The following LTBP2 variants were observed in gnomAD, a reference collection of about 807,000 sequenced individuals.
LTBP2 encodes the protein latent transforming growth factor beta binding protein 2.
LTBP2 carries 103 observed loss-of-function variants against 210.6 expected under a neutral mutation model. The observed-to-expected ratio is 0.49, with a 90% CI of 0.42 to 0.58. The LOEUF is 0.58. LTBP2 is among the 20% of genes least tolerant of loss of function. The probability of loss-of-function intolerance (pLI) is 0.00; values close to 1 mark genes in which losing one functional copy is unlikely to be tolerated. For synonymous variants in LTBP2, 1,007 were observed against 1,015.0 expected (o/e 0.99, Z 0.15); for missense variants, 2,313 against 2,494.5 (o/e 0.93, Z 1.55).
chr14:74,502,933 C>T lies in LTBP2; in HGVS notation c.4890G>A (p.Glu1630=). ...QCALCPPRSS[E]VYAQLCNVAR... ...CCACGTTGCACAGCTGAGCATAGAC[C>T]TCTGTCAGGGAGGAGGGAGAGAAGG... Residue 1630 remains glutamate, a splice_region_variant and synonymous_variant, in exon 34 of 36, where the codon GAG becomes GAA. Coordinates refer to ENST00000261978, the MANE Select transcript of LTBP2 (RefSeq NM_000428.3). 6.2e-7 allele frequency: 1 copy of T among 1,611,442 alleles called. No homozygotes were observed. Among genetic ancestry groups the T allele is most frequent in the Non-Finnish European group, 8.5e-7 (1 of 1,179,926 alleles).
intron 2 of LTBP2, among the ~76,000 whole-genome samples, chr14:74,599,927 A>C (rs1407785094): frequency 6.6e-6 from 1 of 152,234 alleles, no homozygotes; most frequent in Non-Finnish European, 1.5e-5. Flanking sequence ...GTCAGCCCCC[A>C]TCTCTCACTG....
intron 2 of LTBP2, among the ~76,000 whole-genome samples, chr14:74,603,061 G>A (rs1274013022): frequency 2.6e-5 from 4 of 152,274 alleles, no homozygotes; most frequent in Admixed American, 6.5e-5. Flanking sequence ...AGGACAGCAG[G>A]AGGGAGTGCA....
At chr14:74,514,557 C>T (rs774839846) in intron 18 of LTBP2, among the ~76,000 whole-genome samples, 9 of 152,056 alleles carry the variant, frequency 5.9e-5, no homozygotes, top group African/African-American at 2.2e-4. Context: ...TGAGAGCATG[C>T]GGTGGGGGTA....
intron 2 of LTBP2, among the ~76,000 whole-genome samples, chr14:74,595,618 G>A (rs1444149170): frequency 6.6e-6 from 1 of 152,182 alleles, no homozygotes; most frequent in African/African-American, 2.4e-5. Flanking sequence ...CCAGGCCCAG[G>A]ATGGTCGGGA....
At position 74,528,984 on chromosome 14, in the gene LTBP2, C is replaced by A; in HGVS notation, c.2126G>T (p.Cys709Phe). 1 of 1,610,502 alleles carries A rather than the reference C, an allele frequency of 6.2e-7. No homozygotes were observed. Among genetic ancestry groups the A allele is most frequent in the Non-Finnish European group, 8.5e-7 (1 of 1,178,868 alleles). The change falls in exon 11 of 36, where the codon TGT becomes TTT. Residue 709 changes from cysteine (C) to phenylalanine (F), a missense_variant. By Grantham distance (205) the Cys-to-Phe change is radical (BLOSUM62 -2). Transcript: ENST00000261978. The part of the protein sequence containing the change: ...SRVGKAWGSE[C>F]EKCPLPGTEA... ...TGTGCCAGGCAGAGGGCATTTCTCA[C>A]ACTCGCTGCCCCATGCTTTGCCCAC... is the stretch of plus-strand genomic sequence containing the variant.
At position 74,509,662 on chromosome 14, in the gene LTBP2, A is replaced by G; in HGVS notation, c.3277+72T>C. ...TCGGCATCAGCCCCAAACTGGGGAC[A>G]AATTGAGTGTTCTTTGGGAGGTAAG... On this transcript the variant is annotated intron_variant, in intron 21 of 35. Transcript: ENST00000261978. 3.1e-6 allele frequency: 5 copies of G among 1,608,102 alleles called. No homozygotes were observed. The South Asian group carries it at 5.6e-5, about 18-fold the overall frequency.
At position 74,502,964 on chromosome 14, in the gene LTBP2, G is replaced by A. The variant is rs751890832; in HGVS notation, c.4889-30C>T. On this transcript the variant is annotated intron_variant, in intron 33 of 35. Coordinates refer to ENST00000261978, the MANE Select transcript of LTBP2 (RefSeq NM_000428.3). Reference sequence around the variant, plus strand: ...CAGGGAGGAGGGAGAGAAGGAGCTGGGTTCTAGCTCCTGCCAGCTAAAGCC... The same window carrying A: ...CAGGGAGGAGGGAGAGAAGGAGCTGAGTTCTAGCTCCTGCCAGCTAAAGCC... The A allele has an allele frequency of 4.4e-6, 7 of 1,607,458 alleles. No homozygotes were observed. The South Asian group carries it at 7.7e-5, about 18-fold the overall frequency.
chr14:74,602,813 G>A (rs1224071961), intron 2 of LTBP2, among the ~76,000 whole-genome samples: 4 of 152,362 alleles, frequency 2.6e-5, no homozygotes, highest in Admixed American at 2.6e-4. Flanking sequence ...GCAGTCCAAG[G>A]GGAGACGGCT....
In LTBP2 at chr14:74,503,973, A is replaced by C. The variant is rs769745393; in HGVS notation, c.4535T>G (p.Leu1512Arg). 28 of 1,614,036 alleles carry C rather than the reference A, an allele frequency of 1.7e-5. No individual in the cohort carries two copies. The East Asian group carries it at 6.2e-4, about 36-fold the overall frequency. ...CLNTVPGYVCLCNPGFHYDAS... is the reference protein window; with the variant it reads ...CLNTVPGYVCRCNPGFHYDAS... ...ATCGTAGTGGAAGCCGGGATTGCAC[A>C]GGCAGACATAACCAGGCACGGTGTT... The change falls in exon 31 of 36, where the codon CTG (leucine) becomes CGG (arginine). Residue 1512 changes from leucine (L) to arginine (R), a missense_variant. By Grantham distance (102) the Leu-to-Arg change is moderately radical. Around this residue, in one of 3 missense-constraint regions of LTBP2, gnomAD observed 443 missense variants for 501.4 expected, o/e 0.88. Coordinates refer to ENST00000261978, the MANE Select transcript of LTBP2 (RefSeq NM_000428.3).
chr14:74,516,840 T>C lies in LTBP2; in HGVS notation c.2890A>G (p.Arg964Gly). 1 of 1,551,906 alleles carries C rather than the reference T, an allele frequency of 6.4e-7. No homozygotes were observed. Among genetic ancestry groups the C allele is most frequent in the Non-Finnish European group, 8.7e-7 (1 of 1,147,054 alleles). The change falls in exon 18 of 36, where the codon AGG becomes GGG. Residue 964 changes from arginine to glycine, a missense_variant. By Grantham distance (125) the Arg-to-Gly change is moderately radical (BLOSUM62 -2). Around this residue, in one of 3 missense-constraint regions of LTBP2, gnomAD observed 1,867 missense variants for 1,976.9 expected, o/e 0.94. Coordinates refer to ENST00000261978, the MANE Select transcript of LTBP2 (RefSeq NM_000428.3). ...CECDQGYIMV[R>G]KGHCQDINEC... ...TCCTTACCTTGGCAGTGTCCTTTCC[T>C]GACCATGATGTAGCCCTGATCACAC...
At chr14:74,551,529 G>A (rs928012100) in intron 6 of LTBP2, among the ~76,000 whole-genome samples, 179 bp from the exon 7 acceptor site, 1 of 152,178 alleles carries the variant, frequency 6.6e-6, no homozygotes, top group Admixed American at 6.5e-5. Flanking sequence ...TTGTGGGGAC[G>A]GGATGAAGTG....
At chr14:74,522,967 CA>C (rs752200060) in intron 15 of LTBP2, 49 bp from the exon 16 acceptor site, 1 of 1,594,066 alleles carries the variant, frequency 6.3e-7, no homozygotes, top group South Asian at 1.1e-5. Context: ...GGGTGCTGGA[CA>C]AAGGCAGTGG....
At chr14:74,592,861 C>T (rs1055168228) in intron 2 of LTBP2, among the ~76,000 whole-genome samples, 4 of 152,106 alleles carry the variant, frequency 2.6e-5, no homozygotes, top group Admixed American at 2.6e-4. Context: ...CTCGGACAAC[C>T]GGAAGACTAC....
In LTBP2 at chr14:74,612,146, A is replaced by C. The variant is rs1348464563; in HGVS notation, c.-202T>G. ...CCCCGAGCCTCGAGTCCGCGCTCCTACTCCAGCTGGGCTCGCACGGCTGCT... is the reference window on the plus strand; with the variant it reads ...CCCCGAGCCTCGAGTCCGCGCTCCTCCTCCAGCTGGGCTCGCACGGCTGCT... On this transcript the variant is annotated 5_prime_UTR_variant, in exon 1 of 36. Coordinates refer to ENST00000261978, the MANE Select transcript of LTBP2 (RefSeq NM_000428.3). 1.9e-6 allele frequency: 1 copy of C among 538,174 alleles called. No individual in the cohort carries two copies. Among genetic ancestry groups the C allele is most frequent in the Admixed American group, 4.1e-5 (1 of 24,504 alleles). 33.3% of individuals were successfully genotyped at this position (538,174 alleles called of 1,614,324 possible).
chr14:74,507,589 C>A (rs2087007551), intron 25 of LTBP2, among the ~76,000 whole-genome samples: 1 of 152,226 alleles, frequency 6.6e-6, no homozygotes, highest in African/African-American at 2.4e-5. Context: ...TCCCTACCAG[C>A]AGAGCACTGT....
chr14:74,589,185 T>C (rs1232658582), intron 2 of LTBP2, among the ~76,000 whole-genome samples: 1 of 152,206 alleles, frequency 6.6e-6, no homozygotes, highest in Non-Finnish European at 1.5e-5. Flanking sequence ...TGAGCATTCG[T>C]AGAGCACTCA....
At chr14:74,503,446 C>T (rs540085495) in intron 32 of LTBP2, 23 bp downstream of exon 32, 1 of 1,608,976 alleles carries the variant, frequency 6.2e-7, no homozygotes, top group Admixed American at 1.7e-5. Flanking sequence ...TTCTCCTGCT[C>T]CCCCACGCTC....
At position 74,552,290 on chromosome 14, in the gene LTBP2, C is replaced by A. The variant is rs143214774; in HGVS notation, c.1296G>T (p.Pro432=). The A allele has an allele frequency of 2.6e-5, 42 of 1,613,210 alleles. No individual in the cohort carries two copies. The African/African-American group carries it at 4.0e-4, about 15-fold the overall frequency. ...TCCCTGGAGGCTCCCTGTCCGGCTG[C>A]GGGATAGGCAGGTGGCAGAACTTCC... is the stretch of plus-strand genomic sequence containing the variant. ...STGKFCHLPI[P]QPDREPPGRG... The change falls in exon 6 of 36, where the codon CCG becomes CCT. Residue 432 remains proline (P), a synonymous_variant. Coordinates refer to ENST00000261978, the MANE Select transcript of LTBP2 (RefSeq NM_000428.3).
At chr14:74,505,317 C>T in intron 28 of LTBP2, 143 bp from the exon 29 acceptor site, 1 of 894,000 alleles carries the variant, frequency 1.1e-6, no homozygotes, top group Non-Finnish European at 1.8e-6. Context: ...CTCACTGAGG[C>T]TCTCCACAAC....
Sources: allele counts gnomAD v4.1 joint callset (sites outside exome capture counted in the v4.1 genomes callset), GRCh38; gene constraint gnomAD v4.1.1; regional missense constraint gnomAD v4.1.1; transcripts MANE v1.5; gene names NCBI Gene and HGNC (gene_info 2026-07-23, HGNC 2026-07-21).